The following ZNF280D variants were observed in gnomAD, a reference collection of about 807,000 sequenced individuals.
ZNF280D encodes suppressor of hairy wing homolog 4.
Under a neutral mutation model 94.7 loss-of-function variants are expected in ZNF280D, and 39 were observed. The ratio of observed to expected loss-of-function variants is 0.41; its 90% CI spans 0.32 to 0.54. The LOEUF (loss-of-function observed/expected upper bound fraction) is 0.54, where lower values mean the gene tolerates loss of function less well. Ranked by LOEUF, ZNF280D falls within the 20% of genes least tolerant of loss-of-function variation. The probability of loss-of-function intolerance (pLI) is 0.22; values close to 1 mark genes in which losing one functional copy is unlikely to be tolerated. For synonymous variants in ZNF280D, 398 were observed against 377.6 expected, an observed-to-expected ratio of 1.05 and a Z score of -0.63; for missense variants, 1,090 against 1,149.3, an observed-to-expected ratio of 0.95 and a Z score of 0.75.
intron 6 of ZNF280D, among the ~76,000 whole-genome samples, chr15:56,695,079 T>C (rs1483330967): frequency 6.6e-6 from 1 of 152,032 alleles, no homozygotes; most frequent in African/African-American, 2.4e-5. Context: ...TGTGTGTGTG[T>C]GTGTGTGTGT....
chr15:56,676,900 C>G (rs1486578213), intron 12 of ZNF280D, 84 bp from the exon 13 acceptor site: 5 of 1,094,542 alleles, frequency 4.6e-6, no homozygotes, highest in Middle Eastern at 2.8e-4. Context: ...GATAATTTGT[C>G]AGGAGAACAT....
At chr15:56,702,927 A>G (rs2057170536) in intron 4 of ZNF280D, among the ~76,000 whole-genome samples, 1 of 142,302 alleles carries the variant, frequency 7.0e-6, no homozygotes, top group Non-Finnish European at 1.5e-5. Context: ...ACACACACAC[A>G]CACACACACA....
At chr15:56,662,135 T>G (rs1232797274) in intron 16 of ZNF280D, among the ~76,000 whole-genome samples, 1 of 152,182 alleles carries the variant, frequency 6.6e-6, no homozygotes, top group South Asian at 2.1e-4. Flanking sequence ...TTCTCTTTTA[T>G]GTAAAGAAAA....
At chr15:56,664,606 C>T (rs1195231197) in intron 16 of ZNF280D, among the ~76,000 whole-genome samples, 5 of 151,934 alleles carry the variant, frequency 3.3e-5, no homozygotes, top group African/African-American at 1.2e-4. Flanking sequence ...ATTAATAGGC[C>T]AAGTTAACAA....
intron 15 of ZNF280D, 60 bp downstream of exon 15, chr15:56,666,619 A>G (rs1387833083): frequency 2.0e-6 from 3 of 1,505,766 alleles, no homozygotes; most frequent in African/African-American, 1.4e-5. Flanking sequence ...TCTCTTAACT[A>G]AAGTATAAGT....
chr15:56,668,552 T>C (rs1234276807), intron 14 of ZNF280D, among the ~76,000 whole-genome samples: 1 of 152,052 alleles, frequency 6.6e-6, no homozygotes, highest in African/African-American at 2.4e-5. Flanking sequence ...AGCTCAAAAA[T>C]AGCCTATAAA....
At chr15:56,692,727 G>A (rs1461709575) in intron 7 of ZNF280D, among the ~76,000 whole-genome samples, 1 of 151,990 alleles carries the variant, frequency 6.6e-6, no homozygotes, top group Non-Finnish European at 1.5e-5. Context: ...ATCAACTATA[G>A]CCATATATTT....
intron 9 of ZNF280D, among the ~76,000 whole-genome samples, chr15:56,688,350 G>C (rs1253648656): frequency 1.3e-5 from 2 of 151,924 alleles, no homozygotes; most frequent in Non-Finnish European, 2.9e-5. Context: ...AATTAGCCGG[G>C]CGTGGTGGCG....
intron 13 of ZNF280D, among the ~76,000 whole-genome samples, chr15:56,670,269 T>C (rs553423679): frequency 2.0e-5 from 3 of 150,542 alleles, no homozygotes; most frequent in African/African-American, 7.3e-5. Flanking sequence ...TAAACGTGTA[T>C]CCCGGAGGTT....
chr15:56,666,491 A>G lies in ZNF280D; in HGVS notation c.1898T>C (p.Ile633Thr), dbSNP rs1166374673. ...AGGAAAGTGGTTTGCAAAATCTTTT[A>G]TTTCGGAACAACACTCAATGCATTT... ...IHKCIECCSE[I>T]KDFANHFPTY... Residue 633 changes from isoleucine to threonine, a missense_variant, in exon 16 of 22, where the codon ATA (isoleucine) becomes ACA (threonine). Around this residue, in one of 3 missense-constraint regions of ZNF280D, gnomAD observed 577 missense variants for 568.8 expected, o/e 1.01. Transcript: ENST00000267807. 1.2e-6 allele frequency: 2 copies of G among 1,602,850 alleles called. No homozygotes were observed. Among genetic ancestry groups the G allele is most frequent in the African/African-American group, 1.3e-5 (1 of 74,134 alleles).
At chr15:56,730,876 C>T (rs1476113251) in intron 1 of ZNF280D, among the ~76,000 whole-genome samples, 2 of 152,144 alleles carry the variant, frequency 1.3e-5, no homozygotes, top group African/African-American at 4.8e-5. Flanking sequence ...AATATCACAC[C>T]ACAAATGACT....
At position 56,631,836 on chromosome 15, in the gene ZNF280D, C is replaced by A. The variant is rs773016900; in HGVS notation, c.2602G>T (p.Asp868Tyr). Residue 868 changes from aspartate to tyrosine, a missense_variant, in exon 22 of 22, where the codon GAT (aspartate) becomes TAT (tyrosine). By Grantham distance (160) the Asp-to-Tyr change is radical. Transcript: ENST00000267807. ...AATCTGGCTTCACTGGAGTTGTGAT[C>A]TTTAATCTGATCAGATAAGATTATG... ...ENIILSDQIK[D>Y]HNSSEARFSS... 4 of 1,613,792 alleles carry A rather than the reference C, an allele frequency of 2.5e-6. No individual in the cohort carries two copies. Among genetic ancestry groups the A allele is most frequent in the Non-Finnish European group, 3.4e-6 (4 of 1,180,008 alleles).
chr15:56,642,267 G>A (rs2052665957), intron 20 of ZNF280D, among the ~76,000 whole-genome samples: 1 of 151,722 alleles, frequency 6.6e-6, no homozygotes. Context: ...AAAGCTGCTT[G>A]GAAGAAGGCT....
At chr15:56,706,045 G>A in intron 3 of ZNF280D, among the ~76,000 whole-genome samples, 1 of 145,418 alleles carries the variant, frequency 6.9e-6, no homozygotes, top group South Asian at 2.3e-4. Flanking sequence ...TATATTTAGA[G>A]ATTGGGTCCT....
intron 1 of ZNF280D, among the ~76,000 whole-genome samples, chr15:56,714,929 T>A (rs1195651187): frequency 2.0e-5 from 3 of 152,084 alleles, no homozygotes; most frequent in Non-Finnish European, 2.9e-5. Flanking sequence ...AAGGATCCTA[T>A]CTCAAAAAGT....
intron 6 of ZNF280D, among the ~76,000 whole-genome samples, chr15:56,693,881 C>A (rs1463597375): frequency 6.6e-6 from 1 of 152,146 alleles, no homozygotes; most frequent in Non-Finnish European, 1.5e-5. Flanking sequence ...GCCCCACACA[C>A]TTTCCATCAT....
chr15:56,631,760 A>C lies in ZNF280D; in HGVS notation c.2678T>G (p.Ile893Ser), dbSNP rs1325633429. The C allele has an allele frequency of 1.2e-6, 2 of 1,614,054 alleles. No individual in the cohort carries two copies. The highest frequency in any genetic ancestry group is 1.3e-5 in the African/African-American group (1 of 74,946). ...ATGTCTTTTTCTCAAAAACTGATCA[A>C]TGCTTACATTATCTGATGCTAATCG... is the stretch of plus-strand genomic sequence containing the variant. Reference protein sequence around the residue: ...DLRLASDNVSIDQFLRKRHEP... With the variant: ...DLRLASDNVSSDQFLRKRHEP... The change falls in exon 22 of 22, where the codon ATT (isoleucine) becomes AGT (serine). Residue 893 changes from isoleucine (I) to serine (S), a missense_variant. Physicochemically the swap from Ile to Ser is moderately radical, Grantham distance 142. This residue lies in a region of ZNF280D where 577 missense variants were observed against 568.8 expected (regional missense o/e 1.01). Coordinates refer to ENST00000267807, the MANE Select transcript of ZNF280D (RefSeq NM_017661.4).
At chr15:56,639,772 A>T (rs1448976524) in intron 20 of ZNF280D, among the ~76,000 whole-genome samples, 1 of 152,192 alleles carries the variant, frequency 6.6e-6, no homozygotes, top group Non-Finnish European at 1.5e-5. Flanking sequence ...AGAGGACACA[A>T]TTCATCAAAA....
chr15:56,708,062 T>C (rs1359063727), intron 1 of ZNF280D, among the ~76,000 whole-genome samples: 2 of 152,054 alleles, frequency 1.3e-5, no homozygotes, highest in Non-Finnish European at 2.9e-5. Context: ...AACTGAGTTA[T>C]AAAGCAAAAA....
Sources: gnomAD v4.1 joint callset for allele counts (sites outside exome capture counted in the v4.1 genomes callset) on GRCh38, gnomAD v4.1.1 for gene constraint, gnomAD v4.1.1 regional missense constraint, MANE v1.5 for transcripts, NCBI Gene and HGNC (gene_info 2026-07-23, HGNC 2026-07-21) for gene names.